The following EFTUD2 variants were observed in gnomAD, a reference collection of about 807,000 sequenced individuals.
EFTUD2 encodes the protein elongation factor Tu GTP binding domain containing 2.
Under a neutral mutation model 114.3 loss-of-function variants are expected in EFTUD2, and 9 were observed. That is an observed-to-expected ratio of 0.08 (90% CI 0.05 to 0.14). The LOEUF (loss-of-function observed/expected upper bound fraction) is 0.14, where lower values mean the gene tolerates loss of function less well. EFTUD2 is among the 10% of genes least tolerant of loss of function. EFTUD2 has a pLI of 1.00. For missense variants in EFTUD2, 765 were observed against 1,241.2 expected (o/e 0.62, Z 5.76); for synonymous variants, 449 against 462.3 (o/e 0.97, Z 0.37).
intron 20 of EFTUD2, 96 bp downstream of exon 20, chr17:44,856,979 T>C: frequency 9.8e-7 from 1 of 1,022,136 alleles, no homozygotes; most frequent in Non-Finnish European, 1.5e-6. Context: ...GAGGTCTCTA[T>C]GTGCATAGTG....
At chr17:44,861,750 C>T (rs2050665119) in intron 16 of EFTUD2, among the ~76,000 whole-genome samples, 1 of 151,912 alleles carries the variant, frequency 6.6e-6, no homozygotes, top group South Asian at 2.1e-4. Flanking sequence ...AAAAGCATCA[C>T]AGAAAACTTC....
chr17:44,859,947 G>C lies in EFTUD2; in HGVS notation c.1818C>G (p.Gly606=). Residue 606 remains glycine (G), a synonymous_variant, in exon 18 of 28, where the codon GGC becomes GGG. Coordinates refer to ENST00000426333, the MANE Select transcript of EFTUD2 (RefSeq NM_004247.4). ...GATAGCTCTTGTTGACCTTGCGCAG[G>C]CCATCAAGCATCTTGGGCAGCTCTG... is the stretch of plus-strand genomic sequence containing the variant. The part of the protein sequence containing the change: ...NPSELPKMLD[G]LRKVNKSYPS... 6.2e-7 allele frequency: 1 copy of C among 1,614,154 alleles called. No homozygotes were observed. Among genetic ancestry groups the C allele is most frequent in the Non-Finnish European group, 8.5e-7 (1 of 1,180,028 alleles).
chr17:44,889,391 G>A (rs1170878543), intron 2 of EFTUD2, among the ~76,000 whole-genome samples: 3 of 152,172 alleles, frequency 2.0e-5, no homozygotes, highest in Admixed American at 6.5e-5. Flanking sequence ...GGTAAATGAA[G>A]GGGGATATGG....
chr17:44,850,478 C>A lies in EFTUD2; in HGVS notation c.*796G>T. On this transcript the variant is annotated 3_prime_UTR_variant, in exon 28 of 28. Transcript: ENST00000426333. ...CTAATAAAGCAGTTTTGAGGAAAAT[C>A]AACAGACTCTTTTTCACTGGGGGAG... 1 of 1,029,292 alleles carries A rather than the reference C, an allele frequency of 9.7e-7. No individual in the cohort carries two copies. The highest frequency in any genetic ancestry group is 1.4e-5 in the South Asian group (1 of 73,328). 63.8% of individuals were successfully genotyped at this position (1,029,292 alleles called of 1,614,324 possible). A position where few individuals can be genotyped will look rare whatever the true frequency, so the allele number is the denominator to read the frequency against.
chr17:44,893,540 G>A (rs1214373638), intron 2 of EFTUD2, among the ~76,000 whole-genome samples: 1 of 152,182 alleles, frequency 6.6e-6, no homozygotes, highest in African/African-American at 2.4e-5. Flanking sequence ...ACTGTTAAAA[G>A]ACACTTCAGG....
chr17:44,874,692 T>C (rs1045421955), intron 10 of EFTUD2, among the ~76,000 whole-genome samples: 5 of 152,214 alleles, frequency 3.3e-5, no homozygotes, highest in Admixed American at 2.0e-4. Flanking sequence ...TTTGATATTA[T>C]ATTCTAAGGT....
chr17:44,860,762 A>T (rs2050642339), intron 16 of EFTUD2, among the ~76,000 whole-genome samples: 1 of 151,752 alleles, frequency 6.6e-6, no homozygotes, highest in Non-Finnish European at 1.5e-5. Context: ...AACATGCCCA[A>T]CTAATTTTTG....
chr17:44,887,423 G>A lies in EFTUD2; in HGVS notation c.106-673C>T, dbSNP rs551413541. ...CAAAAAGTGGGAACAACCAAATGTCGATCAACTGATGACTGGATAAATGAA... is the reference window on the plus strand; with the variant it reads ...CAAAAAGTGGGAACAACCAAATGTCAATCAACTGATGACTGGATAAATGAA... On this transcript the variant is annotated intron_variant, in intron 2 of 27. Transcript: ENST00000426333. 2.4e-4 allele frequency among the ~76,000 whole-genome samples: 37 copies of A among 152,230 alleles called. 2 individuals carry two copies. The South Asian group carries it at 5.4e-3, about 22-fold the overall frequency.
intron 11 of EFTUD2, 39 bp downstream of exon 11, chr17:44,872,407 A>G (rs757661493): frequency 6.2e-7 from 1 of 1,606,750 alleles, no homozygotes; most frequent in Non-Finnish European, 8.5e-7. Context: ...CACAGGACTC[A>G]GGGGAAGCTG....
rs367807034 is a variant in EFTUD2, at chr17:44,853,289, C to T, written c.2561+7G>A. 179 of 1,613,404 alleles carry T rather than the reference C, an allele frequency of 1.1e-4. No individual in the cohort carries two copies. Among genetic ancestry groups the T allele is most frequent in the South Asian group, 4.7e-4 (43 of 91,058 alleles). On this transcript the variant is annotated splice_region_variant and intron_variant, in intron 25 of 27. Coordinates refer to ENST00000426333, the MANE Select transcript of EFTUD2 (RefSeq NM_004247.4). ...GCACTCTCCCTAATACGCCTGGGGC[C>T]GCTCACCTGCGCCTGGCCAGGACGG...
intron 18 of EFTUD2, 64 bp downstream of exon 18, chr17:44,859,841 T>C: frequency 1.2e-6 from 2 of 1,608,992 alleles, no homozygotes; most frequent in Non-Finnish European, 1.7e-6. Flanking sequence ...GGAAGCGGTG[T>C]GCAGCTCTGC....
chr17:44,894,213 A>C, intron 2 of EFTUD2: 1 of 504,872 alleles, frequency 2.0e-6, no homozygotes, highest in South Asian at 2.6e-5. Flanking sequence ...ACGAAAAATA[A>C]AAAAAAATTA....
chr17:44,851,119 G>A lies in EFTUD2; in HGVS notation c.*155C>T, dbSNP rs1217299284. The A allele has an allele frequency of 4.5e-6, 3 of 661,420 alleles. No individual in the cohort carries two copies. Among genetic ancestry groups the A allele is most frequent in the Non-Finnish European group, 8.2e-6 (3 of 366,034 alleles). 41.0% of individuals were successfully genotyped at this position (661,420 alleles called of 1,614,324 possible). On this transcript the variant is annotated 3_prime_UTR_variant, in exon 28 of 28. Coordinates refer to ENST00000426333, the MANE Select transcript of EFTUD2 (RefSeq NM_004247.4). The stretch of plus-strand genomic sequence containing the variant: ...GGCCAAATGCTCCTCTCTCACTGGG[G>A]CTCTGGGTTGGAGGTTGGTGAGTTG...
At chr17:44,883,411 C>T (rs1211356809) in intron 5 of EFTUD2, 2 of 605,020 alleles carry the variant, frequency 3.3e-6, no homozygotes, top group African/African-American at 1.9e-5. Context: ...AATTTCCCAT[C>T]TTCTGTCCAG....
chr17:44,856,492 TG>T (rs2050556869), intron 20 of EFTUD2, among the ~76,000 whole-genome samples: 1 of 148,934 alleles, frequency 6.7e-6, no homozygotes, highest in African/African-American at 2.5e-5. Flanking sequence ...ATCGTGCCAC[TG>T]TACTCCAGCC....
chr17:44,879,147 G>A (rs780773677), intron 9 of EFTUD2, among the ~76,000 whole-genome samples: 5 of 152,078 alleles, frequency 3.3e-5, no homozygotes, highest in Non-Finnish European at 5.9e-5. Context: ...GTGAAGTGGC[G>A]CAATCTCGGC....
At chr17:44,887,038 C>T (rs116037992) in intron 2 of EFTUD2, among the ~76,000 whole-genome samples, 1,907 of 152,164 alleles carry the variant, frequency 0.013, 48 homozygotes, top group African/African-American at 0.043. Flanking sequence ...CAGCCCTTTA[C>T]GGGGAAAAAA....
At position 44,851,266 on chromosome 17, in the gene EFTUD2, C is replaced by T. The variant is rs369893390; in HGVS notation, c.*8G>A. 11 of 1,612,280 alleles carry T rather than the reference C, an allele frequency of 6.8e-6. No homozygotes were observed. Among genetic ancestry groups the T allele is most frequent in the African/African-American group, 2.7e-5 (2 of 74,906 alleles). On this transcript the variant is annotated 3_prime_UTR_variant, in exon 28 of 28. Transcript: ENST00000426333. The stretch of plus-strand genomic sequence containing the variant: ...GTAGGGAGCAGGAGCTCCCAGGAGT[C>T]CACGCACTCACATGGGGTAATTGAG...
rs113791173 is a variant in EFTUD2 at position 44,871,390 on chromosome 17, A to C, written c.994+1056T>G. ...AGTCTTGCTCTGTCGCCCAGGCTGGAGTGCAGTGGCGTGATCTCAGCTCAC... is the reference window on the plus strand; with the variant it reads ...AGTCTTGCTCTGTCGCCCAGGCTGGCGTGCAGTGGCGTGATCTCAGCTCAC... On this transcript the variant is annotated intron_variant, in intron 11 of 27. Coordinates refer to ENST00000426333, the MANE Select transcript of EFTUD2 (RefSeq NM_004247.4). Among the ~76,000 whole-genome samples the C allele has an allele frequency of 6.7e-3, 995 of 148,120 alleles. 10 individuals carry two copies. The highest frequency in any genetic ancestry group is 0.015 in the African/African-American group (601 of 39,976).
Sources: allele counts gnomAD v4.1 joint callset (sites outside exome capture counted in the v4.1 genomes callset), GRCh38; gene constraint gnomAD v4.1.1; transcripts MANE v1.5; gene names NCBI Gene and HGNC (gene_info 2026-07-23, HGNC 2026-07-21).